PUS10: variants seen among roughly 807,000 people sequenced by gnomAD.
PUS10 encodes the protein pseudouridine synthase 10, also known as tRNA pseudouridine synthase Pus10.
PUS10 carries 59 observed loss-of-function variants against 75.0 expected under a neutral mutation model. The ratio of observed to expected loss-of-function variants is 0.79; its 90% CI spans 0.64 to 0.98. The LOEUF (loss-of-function observed/expected upper bound fraction) is 0.98. Among genes scored for constraint, PUS10 ranks in the 50% least tolerant of loss-of-function variants. The pLI, the probability that PUS10 is intolerant of heterozygous loss-of-function variation, is 0.00. For missense variants in PUS10, 650 were observed against 614.4 expected (o/e 1.06, Z -0.61); for synonymous variants, 219 against 211.6 (o/e 1.03, Z -0.30).
At chr2:60,992,741 TTA>T (rs1678193072) in intron 4 of PUS10, among the ~76,000 whole-genome samples, 1 of 152,210 alleles carries the variant, frequency 6.6e-6, no homozygotes, top group African/African-American at 2.4e-5. Flanking sequence ...AAAATCCATT[TTA>T]TTTTTTCCCC....
In PUS10 at chr2:61,010,776, T is replaced by A. The variant is rs765523402; in HGVS notation, c.126+989A>T. On this transcript the variant is annotated intron_variant, in intron 2 of 17. Transcript: ENST00000316752. ...GGGATTCAAATCCATGTCTTCTAGT[T>A]CCAAATCCTAGGTTTTGAATTCAGT... 3.2e-6 allele frequency: 5 copies of A among 1,550,040 alleles called. No homozygotes were observed. In the South Asian group the frequency reaches 5.9e-5, roughly 18 times the overall value.
intron 11 of PUS10, among the ~76,000 whole-genome samples, chr2:60,959,608 T>C (rs899639275): frequency 1.1e-4 from 17 of 152,066 alleles, no homozygotes; most frequent in Non-Finnish European, 1.3e-4. Flanking sequence ...AGGCTGGTCT[T>C]GAATTCCTGG....
rs1676254388 is a variant in PUS10 at position 60,965,096 on chromosome 2, T to C, written c.685A>G (p.Ile229Val). 6.2e-7 allele frequency: 1 copy of C among 1,613,492 alleles called. No individual in the cohort carries two copies. Among genetic ancestry groups the C allele is most frequent in the African/African-American group, 1.3e-5 (1 of 75,026 alleles). ...GCTGGCTTAAAACAATCTGGGCATA[T>C]CGCAGCTCTAAAATAAAATTCAAGT... ...TVEDCHFLAA[I>V]CPDCFKPAKN... Residue 229 changes from isoleucine (I) to valine (V), a missense_variant, in exon 8 of 18, where the codon ATA becomes GTA. Physicochemically the swap from Ile to Val is conservative, Grantham distance 29. Coordinates refer to ENST00000316752, the MANE Select transcript of PUS10 (RefSeq NM_144709.4).
intron 2 of PUS10, 85 bp from the exon 3 acceptor site, chr2:61,009,100 G>A (rs144600637): frequency 8.1e-7 from 1 of 1,229,686 alleles, no homozygotes; most frequent in Non-Finnish European, 1.1e-6. Flanking sequence ...GAAAACATGA[G>A]TGAAAATTAG....
Position 60,953,114 on chromosome 2 carries a change from T to C in PUS10, c.1191A>G (p.Arg397=). ...IQVRDLQLVT[R]EAIGHMKEGE... is the part of the protein sequence containing the mutation. ...CTTCTTTCATATGTCCTATTGCCTC[T>C]CTAAACAAAAACAATTTTTAGAAGT... Residue 397 remains arginine, a splice_region_variant and synonymous_variant, in exon 15 of 18, where the codon AGA becomes AGG. Transcript: ENST00000316752. 6.6e-7 allele frequency: 1 copy of C among 1,519,536 alleles called. No individual in the cohort carries two copies. The highest frequency in any genetic ancestry group is 1.2e-5 in the South Asian group (1 of 84,882). 94.1% of individuals were successfully genotyped at this position (1,519,536 alleles called of 1,614,324 possible).
At chr2:60,972,959 C>T (rs1486578723) in intron 4 of PUS10, among the ~76,000 whole-genome samples, 1 of 152,216 alleles carries the variant, frequency 6.6e-6, no homozygotes, top group Non-Finnish European at 1.5e-5. Context: ...TAGCTGCTGC[C>T]ATCAAGCCTG....
chr2:60,954,793 C>T (rs149838694), intron 12 of PUS10, among the ~76,000 whole-genome samples: 215 of 152,310 alleles, frequency 1.4e-3, no homozygotes, highest in Non-Finnish European at 2.3e-3. Flanking sequence ...CCCTTATAAC[C>T]TATAGGTATG....
At chr2:60,996,957 C>T (rs961887933) in intron 4 of PUS10, among the ~76,000 whole-genome samples, 7 of 152,322 alleles carry the variant, frequency 4.6e-5, no homozygotes, top group East Asian at 1.9e-4. Flanking sequence ...TCTGACAAAT[C>T]ACAACCATAT....
intron 3 of PUS10, among the ~76,000 whole-genome samples, chr2:61,007,785 C>A (rs1319913817): frequency 1.5e-4 from 18 of 121,008 alleles, no homozygotes; most frequent in East Asian, 2.3e-4. Context: ...AAAAAAAAAA[C>A]AGAAAAAAAA....
chr2:60,947,191 A>G (rs556785829), intron 16 of PUS10, among the ~76,000 whole-genome samples: 1 of 152,144 alleles, frequency 6.6e-6, no homozygotes, highest in African/African-American at 2.4e-5. Flanking sequence ...CTAACTAATG[A>G]TATGTCATCT....
intron 17 of PUS10, among the ~76,000 whole-genome samples, chr2:60,944,597 G>A (rs941006435): frequency 6.6e-6 from 1 of 152,088 alleles, no homozygotes; most frequent in South Asian, 2.1e-4. Context: ...CAGAGAACTT[G>A]GACCACATCA....
chr2:60,953,254 T>G, intron 14 of PUS10, 140 bp from the exon 15 acceptor site: 1 of 635,986 alleles, frequency 1.6e-6, no homozygotes, highest in Non-Finnish European at 2.8e-6. Flanking sequence ...TTTAGTATGT[T>G]TTCAGAGTTG....
At chr2:60,946,169 G>A (rs80212839) in intron 16 of PUS10, among the ~76,000 whole-genome samples, 1,550 of 152,298 alleles carry the variant, frequency 0.01, 21 homozygotes, top group African/African-American at 0.035. Flanking sequence ...TAGCAATGAT[G>A]AGGAGAGAAA....
chr2:60,991,231 A>G (rs1678055957), intron 4 of PUS10, among the ~76,000 whole-genome samples: 4 of 152,178 alleles, frequency 2.6e-5, no homozygotes, highest in Admixed American at 2.0e-4. Context: ...CTTCATGCAG[A>G]AGAATATAAT....
intron 4 of PUS10, among the ~76,000 whole-genome samples, chr2:61,005,045 G>A (rs758711647): frequency 6.6e-6 from 1 of 152,118 alleles, no homozygotes; most frequent in Non-Finnish European, 1.5e-5. Flanking sequence ...ACCTGAGGTC[G>A]GGTGTCGGAG....
chr2:60,992,950 G>T (rs1558960571), intron 4 of PUS10, among the ~76,000 whole-genome samples: 2 of 152,110 alleles, frequency 1.3e-5, no homozygotes, highest in Admixed American at 6.6e-5. Flanking sequence ...TCTTTAATTT[G>T]CCATGGATTT....
intron 4 of PUS10, among the ~76,000 whole-genome samples, chr2:60,990,304 T>C (rs1362937195): frequency 6.6e-6 from 1 of 152,030 alleles, no homozygotes. Flanking sequence ...CTAGAAAAGC[T>C]GGACAACTAA....
chr2:60,968,668 T>C (rs1455513561), intron 5 of PUS10, among the ~76,000 whole-genome samples: 2 of 130,448 alleles, frequency 1.5e-5, no homozygotes, highest in East Asian at 3.9e-4. Flanking sequence ...AAATAAGAAA[T>C]AGTTGATCCA....
chr2:60,983,781 T>C (rs1486209158), intron 4 of PUS10, among the ~76,000 whole-genome samples: 1 of 152,098 alleles, frequency 6.6e-6, no homozygotes, highest in Admixed American at 6.5e-5. Flanking sequence ...CTGTATATAT[T>C]TTTAAAATAG....
Sources: allele counts gnomAD v4.1 joint callset (sites outside exome capture counted in the v4.1 genomes callset), GRCh38; gene constraint gnomAD v4.1.1; transcripts MANE v1.5; gene names NCBI Gene and HGNC (gene_info 2026-07-23, HGNC 2026-07-21).